B3GALT1: variants seen among roughly 807,000 people sequenced by gnomAD.
B3GALT1 encodes the protein beta-1,3-galactosyltransferase 1, also known as UDP-Gal:betaGlcNAc beta 1,3-galactosyltransferase, polypeptide 1.
B3GALT1 carries 10 observed loss-of-function variants against 23.2 expected under a neutral mutation model. That is an observed-to-expected ratio of 0.43 (90% CI 0.27 to 0.73). The LOEUF is 0.73. Ranked by LOEUF, B3GALT1 falls within the 30% of genes least tolerant of loss-of-function variation. The probability of loss-of-function intolerance (pLI) is 0.21; values close to 1 mark genes in which losing one functional copy is unlikely to be tolerated. For synonymous variants in B3GALT1, 156 were observed against 141.5 expected (o/e 1.10, Z -0.73); for missense variants, 299 against 405.4 (o/e 0.74, Z 2.25).
At chr2:167,599,799 T>C (rs574604989) in intron 2 of B3GALT1, among the ~76,000 whole-genome samples, 5 of 152,312 alleles carry the variant, frequency 3.3e-5, no homozygotes, top group East Asian at 1.9e-4. Flanking sequence ...TTCTGATGCA[T>C]TGCCAACTGG....
At chr2:167,847,962 C>A (rs1371604736) in intron 4 of B3GALT1, among the ~76,000 whole-genome samples, 1 of 151,990 alleles carries the variant, frequency 6.6e-6, no homozygotes, top group Non-Finnish European at 1.5e-5. Context: ...CTATGAACAC[C>A]TTTGCATACA....
chr2:167,783,046 T>C (rs1574260200), intron 3 of B3GALT1, among the ~76,000 whole-genome samples: 1 of 152,048 alleles, frequency 6.6e-6, no homozygotes, highest in Admixed American at 6.6e-5. Context: ...AACAAGAAAA[T>C]AGGCTATCTG....
At chr2:167,349,107 A>G (rs1697271522) in intron 1 of B3GALT1, among the ~76,000 whole-genome samples, 1 of 152,162 alleles carries the variant, frequency 6.6e-6, no homozygotes, top group Non-Finnish European at 1.5e-5. Flanking sequence ...CCTGCCATTC[A>G]TGGTTTTATT....
At chr2:167,794,502 G>A (rs1688507080) in intron 3 of B3GALT1, among the ~76,000 whole-genome samples, 1 of 152,138 alleles carries the variant, frequency 6.6e-6, no homozygotes, top group Non-Finnish European at 1.5e-5. Flanking sequence ...CCCTCATTTA[G>A]CAGGAAACCA....
At chr2:167,303,381 G>T (rs554851723) in intron 1 of B3GALT1, among the ~76,000 whole-genome samples, 4 of 152,176 alleles carry the variant, frequency 2.6e-5, no homozygotes, top group African/African-American at 9.6e-5. Context: ...CAGTTTCGTG[G>T]TGTTTGTAAT....
chr2:167,824,751 G>C (rs1689179137), intron 4 of B3GALT1, among the ~76,000 whole-genome samples: 1 of 152,206 alleles, frequency 6.6e-6, no homozygotes, highest in Admixed American at 6.5e-5. Context: ...GAGCTGTTAG[G>C]AATGGCTCCA....
In B3GALT1 at chr2:167,320,619, A is replaced by G. The variant is rs145974404; in HGVS notation, c.-511+27285A>G. 2.5e-3 allele frequency among the ~76,000 whole-genome samples: 381 copies of G among 152,170 alleles called. 2 individuals carry two copies. The highest frequency in any genetic ancestry group is 3.4e-3 in the Middle Eastern group (1 of 294). On this transcript the variant is annotated intron_variant, in intron 1 of 4. Transcript: ENST00000392690. ...TTACCTCTTTGCTCTTTCTCTTTTC[A>G]CAGTGCCCTCACCCCAGTTCATAGA...
intron 1 of B3GALT1, among the ~76,000 whole-genome samples, chr2:167,379,383 T>C (rs1697810401): frequency 6.6e-6 from 1 of 152,098 alleles, no homozygotes; most frequent in Admixed American, 6.6e-5. Flanking sequence ...CCTAACCATA[T>C]CACTTTCTTT....
intron 1 of B3GALT1, among the ~76,000 whole-genome samples, chr2:167,393,137 G>A (rs1698042615): frequency 6.6e-6 from 1 of 152,028 alleles, no homozygotes; most frequent in Admixed American, 6.5e-5. Flanking sequence ...GGGAGGCTGA[G>A]GCAGGAGAAT....
intron 1 of B3GALT1, among the ~76,000 whole-genome samples, chr2:167,338,640 A>C (rs1378983919): frequency 6.6e-6 from 1 of 152,152 alleles, no homozygotes; most frequent in Non-Finnish European, 1.5e-5. Context: ...ATTAAAACCC[A>C]AAATGTATAA....
chr2:167,803,081 A>AACACATACACAC lies in B3GALT1; in HGVS notation c.-351-15586_-351-15585insTACACACACACA, dbSNP rs1187679506. Among the ~76,000 whole-genome samples, 4 of 141,482 alleles carry AACACATACACAC rather than the reference A, an allele frequency of 2.8e-5. No homozygotes were observed. In the East Asian group the frequency reaches 6.5e-4, roughly 23 times the overall value. 92.8% of individuals were successfully genotyped at this position (141,482 alleles called of 152,430 possible). A position where few individuals can be genotyped will look rare whatever the true frequency, so the allele number is the denominator to read the frequency against. On this transcript the variant is annotated intron_variant, in intron 3 of 4. Transcript: ENST00000392690. ...TGACAATGTTCATTTGACCCTAACA[A>AACACATACACAC]ACACACACACACACACACACACACA... is the stretch of plus-strand genomic sequence containing the variant.
intron 1 of B3GALT1, among the ~76,000 whole-genome samples, chr2:167,342,092 T>C (rs1047725974): frequency 1.1e-4 from 16 of 152,154 alleles, no homozygotes; most frequent in Non-Finnish European, 2.2e-4. Flanking sequence ...ATCACAGTTA[T>C]AAAGTCTTTG....
At chr2:167,730,919 A>C (rs1351474873) in intron 3 of B3GALT1, among the ~76,000 whole-genome samples, 1 of 152,222 alleles carries the variant, frequency 6.6e-6, no homozygotes, top group Non-Finnish European at 1.5e-5. Flanking sequence ...ATTTCCTTCC[A>C]AATACTATCT....
chr2:167,857,200 A>G (rs1385646571), intron 4 of B3GALT1, among the ~76,000 whole-genome samples: 2 of 152,080 alleles, frequency 1.3e-5, no homozygotes, highest in Non-Finnish European at 2.9e-5. Context: ...CAAGAGTAAA[A>G]ATACAGGTGA....
rs984539300 is a variant in B3GALT1, at chr2:167,356,455, A to G, written c.-511+63121A>G. Among the ~76,000 whole-genome samples the G allele has an allele frequency of 2.0e-5, 3 of 152,118 alleles. No individual in the cohort carries two copies. In the South Asian group the frequency reaches 6.2e-4, roughly 31 times the overall value. On this transcript the variant is annotated intron_variant, in intron 1 of 4. Transcript: ENST00000392690. Reference sequence around the variant, plus strand: ...ATAGTAGACAAAAGTGTATAAAGAAAATTTTGCTAAATTCCCTCACTTGCT... The same window carrying G: ...ATAGTAGACAAAAGTGTATAAAGAAGATTTTGCTAAATTCCCTCACTTGCT...
intron 1 of B3GALT1, among the ~76,000 whole-genome samples, chr2:167,320,608 T>C (rs1187657317): frequency 1.3e-5 from 2 of 151,956 alleles, no homozygotes; most frequent in African/African-American, 4.8e-5. Context: ...CTCTTTGCTC[T>C]TTCTCTTTTC....
At chr2:167,512,567 T>TATATAC (rs374423893) in intron 2 of B3GALT1, among the ~76,000 whole-genome samples, 1 of 79,964 alleles carries the variant, frequency 1.3e-5, no homozygotes, top group Non-Finnish European at 2.5e-5. Flanking sequence ...TATATATATA[T>TATATAC]GTATATATAT....
At chr2:167,379,068 G>C (rs956849090) in intron 1 of B3GALT1, among the ~76,000 whole-genome samples, 3 of 152,134 alleles carry the variant, frequency 2.0e-5, no homozygotes, top group Admixed American at 6.5e-5. Flanking sequence ...AAGGAGAAAG[G>C]TTTAATTGAC....
chr2:167,359,421 T>G (rs1192972646), intron 1 of B3GALT1, among the ~76,000 whole-genome samples: 1 of 152,188 alleles, frequency 6.6e-6, no homozygotes, highest in Non-Finnish European at 1.5e-5. Context: ...AATTCTAAAA[T>G]TTTAGGGTGT....
Sources: allele counts gnomAD v4.1 joint callset (sites outside exome capture counted in the v4.1 genomes callset), GRCh38; gene constraint gnomAD v4.1.1; transcripts MANE v1.5; gene names NCBI Gene and HGNC (gene_info 2026-07-23, HGNC 2026-07-21).